Variants in RTL4 observed in about 807,000 individuals in gnomAD.
RTL4 encodes retrotransposon Gag-like protein 4.
RTL4 carries 4 observed loss-of-function variants against 5.3 expected under a neutral mutation model. The ratio of observed to expected loss-of-function variants is 0.75; its 90% CI spans 0.37 to 1.72. The LOEUF (loss-of-function observed/expected upper bound fraction) is 1.72. Among genes scored for constraint, RTL4 ranks in the 40% most tolerant of loss-of-function variants. The pLI is 0.04. For synonymous variants in RTL4, 98 were observed against 87.3 expected (o/e 1.12, Z -0.68); for missense variants, 260 against 227.1 (o/e 1.14, Z -0.93).
the RTL4 span, among the ~76,000 whole-genome samples, chrX:112,194,812 C>T: frequency 2.7e-5 from 3 of 111,774 alleles, no homozygotes; most frequent in East Asian, 5.6e-4. Flanking sequence ...AAGATAACTA[C>T]GGAAGTACTA....
At chrX:112,236,476 GATATAGATC>G in the RTL4 span, among the ~76,000 whole-genome samples, 2 of 75,298 alleles carry the variant, frequency 2.7e-5, no homozygotes, top group Non-Finnish European at 4.8e-5. Context: ...TCTATATATA[GATATAGATC>G]TATATCTATA....
the RTL4 span, among the ~76,000 whole-genome samples, chrX:112,124,008 A>G: frequency 8.9e-6 from 1 of 111,761 alleles, no homozygotes; most frequent in Non-Finnish European, 1.9e-5. Flanking sequence ...AAACCTCATA[A>G]AAAAGTGGGC....
At chrX:112,304,240 A>G in the RTL4 span, among the ~76,000 whole-genome samples, 1 of 110,885 alleles carries the variant, frequency 9.0e-6, no homozygotes, top group Non-Finnish European at 1.9e-5. Flanking sequence ...AGAATACTTC[A>G]TATGGAAGAG....
chrX:112,123,624 A>G, the RTL4 span, among the ~76,000 whole-genome samples: 3 of 111,896 alleles, frequency 2.7e-5, no homozygotes, highest in African/African-American at 9.8e-5. Context: ...CAAAGGTTGT[A>G]GATGTGTGGT....
the RTL4 span, among the ~76,000 whole-genome samples, chrX:112,372,895 A>G: frequency 8.9e-6 from 1 of 111,754 alleles, no homozygotes; most frequent in South Asian, 3.7e-4. Context: ...GTGCTCTGCC[A>G]AAGATGAAAA....
the RTL4 span, among the ~76,000 whole-genome samples, chrX:112,342,138 TG>T: frequency 9.0e-6 from 1 of 111,589 alleles, no homozygotes; most frequent in African/African-American, 3.3e-5. Flanking sequence ...CACCTCGTGT[TG>T]GCAGACACCT....
chrX:112,325,333 A>G, the RTL4 span, among the ~76,000 whole-genome samples: 38 of 111,886 alleles, frequency 3.4e-4, no homozygotes, highest in Non-Finnish European at 6.0e-4. Flanking sequence ...AAAAGAGCCC[A>G]CATTGCCAAG....
At chrX:112,429,692 C>T in the RTL4 span, among the ~76,000 whole-genome samples, 1 of 111,118 alleles carries the variant, frequency 9.0e-6, no homozygotes, top group Non-Finnish European at 1.9e-5. Context: ...TACCATTCTG[C>T]TCTCTACAAC....
chrX:112,410,521 T>G, the RTL4 span, among the ~76,000 whole-genome samples: 28 of 112,067 alleles, frequency 2.5e-4, no homozygotes, highest in Non-Finnish European at 3.4e-4. Context: ...AAAATAAAAT[T>G]ATATCAAGTA....
the RTL4 span, among the ~76,000 whole-genome samples, chrX:112,242,639 C>T: frequency 1.8e-5 from 2 of 111,634 alleles, no homozygotes; most frequent in Non-Finnish European, 3.8e-5. Flanking sequence ...ATGATATCTG[C>T]AACCAGGGAC....
chrX:112,311,777 A>G, the RTL4 span, among the ~76,000 whole-genome samples: 1 of 111,076 alleles, frequency 9.0e-6, no homozygotes, highest in Non-Finnish European at 1.9e-5. Flanking sequence ...TAATTTTTCT[A>G]CAGTGCTCAC....
the RTL4 span, among the ~76,000 whole-genome samples, chrX:112,155,902 A>T: frequency 9.0e-6 from 1 of 111,610 alleles, no homozygotes; most frequent in Non-Finnish European, 1.9e-5. Flanking sequence ...ATATTGATTA[A>T]TATGTCATGG....
the RTL4 span, among the ~76,000 whole-genome samples, chrX:112,088,650 G>C: frequency 8.9e-6 from 1 of 111,971 alleles, no homozygotes; most frequent in Non-Finnish European, 1.9e-5. Flanking sequence ...TTTCCATAGT[G>C]GTTGTACCAT....
the RTL4 span, among the ~76,000 whole-genome samples, chrX:112,084,668 A>C: frequency 2.7e-5 from 3 of 110,847 alleles, no homozygotes. Flanking sequence ...CGTGGATAAA[A>C]CTTTGGGGGC....
chrX:112,134,259 C>G, the RTL4 span, among the ~76,000 whole-genome samples: 29 of 111,839 alleles, frequency 2.6e-4, no homozygotes, highest in Admixed American at 2.7e-3. Flanking sequence ...CTTGAGAAAT[C>G]AGAGAAACTC....
At chrX:112,180,030 G>A in the RTL4 span, among the ~76,000 whole-genome samples, 1 of 111,002 alleles carries the variant, frequency 9.0e-6, no homozygotes, top group Non-Finnish European at 1.9e-5. Flanking sequence ...CTAATTGAGG[G>A]TGAGGTACAG....
chrX:112,369,090 TG>T, the RTL4 span, among the ~76,000 whole-genome samples: 1 of 112,627 alleles, frequency 8.9e-6, no homozygotes, highest in African/African-American at 3.2e-5. Flanking sequence ...ACATACACTT[TG>T]TGACAGCAAG....
chrX:112,455,286 G>A, exon 1 of RTL4: 2 of 1,211,450 alleles, frequency 1.7e-6, no homozygotes, highest in Non-Finnish European at 2.2e-6. Flanking sequence ...AGTTCGAAAA[G>A]GCACTAGCTG....
the RTL4 span, among the ~76,000 whole-genome samples, chrX:112,421,830 AATAAGGAACTT>A: frequency 6.2e-5 from 7 of 112,621 alleles, no homozygotes; most frequent in African/African-American, 2.3e-4. Flanking sequence ...TAAGCTCTGT[AATAAGGAACTT>A]GGTCTTCTAT....
Sources: allele counts gnomAD v4.1 joint callset (sites outside exome capture counted in the v4.1 genomes callset), GRCh38; gene constraint gnomAD v4.1.1; transcripts MANE v1.5; gene names NCBI Gene and HGNC (gene_info 2026-07-23, HGNC 2026-07-21).